The following MAGOHB variants were observed in gnomAD, a reference collection of about 807,000 sequenced individuals.
The protein encoded by MAGOHB is protein mago nashi homolog 2.
In MAGOHB, 15 loss-of-function variants were observed where a neutral mutation model predicts 20.9. The ratio of observed to expected loss-of-function variants is 0.72; its 90% CI spans 0.48 to 1.11. The LOEUF is 1.11. MAGOHB is among the 50% of genes least tolerant of loss of function. MAGOHB has a pLI of 0.00. For missense variants in MAGOHB, 162 were observed against 177.6 expected, an observed-to-expected ratio of 0.91 and a Z score of 0.50; for synonymous variants, 50 against 57.9, an observed-to-expected ratio of 0.86 and a Z score of 0.62.
At chr12:10,601,731 T>C (rs899864216), downstream of MAGOHB, among the ~76,000 whole-genome samples, 1 of 152,214 alleles carries the variant, frequency 6.6e-6, no homozygotes, top group Non-Finnish European at 1.5e-5. Context: ...ATTGTTCTTA[T>C]CTATAAAAAT....
At chr12:10,606,458 C>A in intron 4 of MAGOHB, 84 bp from the exon 5 acceptor site, 1 of 724,988 alleles carries the variant, frequency 1.4e-6, no homozygotes, top group Non-Finnish European at 2.3e-6. Flanking sequence ...AAATCAAAAT[C>A]TCATAACAAT....
Position 10,606,170 on chromosome 12 carries a change from ATTTT to A in MAGOHB, c.*101_*104del, listed in dbSNP as rs369052516. On this transcript the variant is annotated 3_prime_UTR_variant, in exon 5 of 5. Transcript: ENST00000320756. ...TTTCTTATTTTCAGTTTACATACAA[ATTTT>A]TTTTGTTTGCTTCACATTCATAAAA... The A allele has an allele frequency of 1.7e-6, 1 of 597,970 alleles. No individual in the cohort carries two copies. Among genetic ancestry groups the A allele is most frequent in the East Asian group, 3.2e-5 (1 of 31,564 alleles). The allele number at this position is 597,970 out of a possible 1,614,324, so 37.0% of individuals were successfully genotyped here. A position where few individuals can be genotyped will look rare whatever the true frequency, so the allele number is the denominator to read the frequency against.
chr12:10,606,374 C>G lies in MAGOHB; in HGVS notation c.348G>C (p.Lys116Asn). 1 of 1,534,128 alleles carries G rather than the reference C, an allele frequency of 6.5e-7. No individual in the cohort carries two copies. Among genetic ancestry groups the G allele is most frequent in the South Asian group, 1.2e-5 (1 of 81,468 alleles). The change falls in exon 5 of 5, where the codon AAG becomes AAC. Residue 116 changes from lysine to asparagine, a missense_variant and splice_region_variant. Transcript: ENST00000320756. ...IGSLIDVNQS[K>N]DPEGLRVFYY... ...AAAATACTCGAAGGCCTTCAGGATC[C>G]CTAAAATTTAAAAAGGTAAAAGTTA...
rs1865695522 is a variant in MAGOHB at position 10,610,017 on chromosome 12, AC to A, written c.154-77del. On this transcript the variant is annotated intron_variant, in intron 2 of 4. Coordinates refer to ENST00000320756, the MANE Select transcript of MAGOHB (RefSeq NM_018048.5). ...CAACTCAGAAAGAAATGAGTTACAA[AC>A]CCTGAATATCCAAATAGAGGAATAT... The A allele has an allele frequency of 2.3e-5, 17 of 740,402 alleles. No homozygotes were observed. The East Asian group carries it at 4.8e-4, about 21-fold the overall frequency. 45.9% of individuals were successfully genotyped at this position (740,402 alleles called of 1,614,324 possible).
intron 3 of MAGOHB, 21 bp downstream of exon 3, chr12:10,609,810 A>C (rs1349163411): frequency 1.4e-6 from 2 of 1,420,454 alleles, no homozygotes; most frequent in Non-Finnish European, 2.0e-6. Context: ...TTATACACTT[A>C]AAGAATCACT....
chr12:10,600,733 T>G (rs1284489548), downstream of MAGOHB, among the ~76,000 whole-genome samples: 1 of 152,198 alleles, frequency 6.6e-6, no homozygotes, highest in Non-Finnish European at 1.5e-5. Flanking sequence ...TGTACTCAGA[T>G]CTCTCATTGA....
At chr12:10,606,905 A>C (rs1865639164) in intron 4 of MAGOHB, among the ~76,000 whole-genome samples, 1 of 152,158 alleles carries the variant, frequency 6.6e-6, no homozygotes, top group Non-Finnish European at 1.5e-5. Flanking sequence ...AATATTTAGG[A>C]ATAGTTCCAT....
downstream of MAGOHB, among the ~76,000 whole-genome samples, chr12:10,603,537 T>C (rs528113594): frequency 6.9e-6 from 1 of 144,150 alleles, no homozygotes; most frequent in African/African-American, 2.6e-5. Context: ...TTAACTATGA[T>C]GACATAATGG....
Position 10,612,307 on chromosome 12 carries a change from G to C in MAGOHB, c.94+1132C>G, listed in dbSNP as rs537157186. Reference sequence around the variant, plus strand: ...CCAGCACCTCGGCAGGCTGAGGTGAGGGATCACTTGCACTAGGGAGGGGGA... The same window carrying C: ...CCAGCACCTCGGCAGGCTGAGGTGACGGATCACTTGCACTAGGGAGGGGGA... On this transcript the variant is annotated intron_variant, in intron 1 of 4. Coordinates refer to ENST00000320756, the MANE Select transcript of MAGOHB (RefSeq NM_018048.5). 5.3e-5 allele frequency among the ~76,000 whole-genome samples: 8 copies of C among 152,180 alleles called. No homozygotes were observed. The South Asian group carries it at 1.5e-3, about 28-fold the overall frequency.
At chr12:10,607,741 A>G in intron 4 of MAGOHB, 113 bp downstream of exon 4, 1 of 650,388 alleles carries the variant, frequency 1.5e-6, no homozygotes, top group South Asian at 1.8e-5. Flanking sequence ...TTACATCTGC[A>G]TAATAAACTG....
intron 4 of MAGOHB, among the ~76,000 whole-genome samples, chr12:10,607,162 C>T (rs1251392165): frequency 6.6e-6 from 1 of 152,088 alleles, no homozygotes; most frequent in Non-Finnish European, 1.5e-5. Flanking sequence ...TTCTCCTTTC[C>T]ACTAACAAAT....
chr12:10,610,070 AGAG>A (rs1468743401), intron 2 of MAGOHB, 129 bp from the exon 3 acceptor site: 4 of 560,978 alleles, frequency 7.1e-6, no homozygotes, highest in Non-Finnish European at 9.3e-6. Context: ...TTCCAAAAGT[AGAG>A]GAGACAGAAT....
In MAGOHB at chr12:10,606,170, A is replaced by AT. The variant is rs369052516; in HGVS notation, c.*104dup. The AT allele has an allele frequency of 3.2e-5, 19 of 597,816 alleles. No individual in the cohort carries two copies. The highest frequency in any genetic ancestry group is 7.8e-5 in the African/African-American group (4 of 51,342). 37.0% of individuals were successfully genotyped at this position (597,816 alleles called of 1,614,324 possible). ...TTTCTTATTTTCAGTTTACATACAA[A>AT]TTTTTTTTGTTTGCTTCACATTCAT... On this transcript the variant is annotated 3_prime_UTR_variant, in exon 5 of 5. Coordinates refer to ENST00000320756, the MANE Select transcript of MAGOHB (RefSeq NM_018048.5).
intron 1 of MAGOHB, among the ~76,000 whole-genome samples, chr12:10,611,663 G>A (rs1269841362): frequency 2.1e-5 from 3 of 140,628 alleles, no homozygotes; most frequent in South Asian, 2.2e-4. Context: ...CAGGAGAATC[G>A]CTTCAATCCA....
At chr12:10,604,182 A>G (rs1339623829), downstream of MAGOHB, 1 of 152,222 alleles carries the variant, frequency 6.6e-6, no homozygotes, top group Non-Finnish European at 1.5e-5. Context: ...CAGTACTTGG[A>G]AAAAGTCTGA....
chr12:10,599,831 C>A (rs749096450), downstream of MAGOHB, among the ~76,000 whole-genome samples: 7 of 151,934 alleles, frequency 4.6e-5, no homozygotes, highest in Non-Finnish European at 1.0e-4. Flanking sequence ...TATTTGAGGG[C>A]TGAAAAGATA....
At chr12:10,599,744 T>C (rs1040840921), downstream of MAGOHB, 3 of 152,172 alleles carry the variant, frequency 2.0e-5, no homozygotes, top group Non-Finnish European at 4.4e-5. Flanking sequence ...AAAGGAAAGA[T>C]AGTCAAAAGC....
chr12:10,603,404 C>A (rs1226112633), downstream of MAGOHB, among the ~76,000 whole-genome samples: 1 of 150,792 alleles, frequency 6.6e-6, no homozygotes, highest in Non-Finnish European at 1.5e-5. Context: ...CAGTAAAATA[C>A]ATTCAAATGC....
downstream of MAGOHB, among the ~76,000 whole-genome samples, chr12:10,603,924 T>C (rs531995408): frequency 6.6e-6 from 1 of 152,328 alleles, no homozygotes; most frequent in Admixed American, 6.5e-5. Context: ...CAAAACGAAG[T>C]AGTCTAACAA....
Sources: gnomAD v4.1 joint callset for allele counts (sites outside exome capture counted in the v4.1 genomes callset) on GRCh38, gnomAD v4.1.1 for gene constraint, MANE v1.5 for transcripts, NCBI Gene and HGNC (gene_info 2026-07-23, HGNC 2026-07-21) for gene names.